ZNRF3: variants seen among roughly 807,000 people sequenced by gnomAD.
ZNRF3 encodes the protein E3 ubiquitin-protein ligase ZNRF3.
ZNRF3 carries 23 observed loss-of-function variants against 72.5 expected under a neutral mutation model. The observed-to-expected ratio is 0.32, with a 90% CI of 0.23 to 0.45. ZNRF3 has a LOEUF of 0.45. ZNRF3 is among the 20% of genes least tolerant of loss of function. The pLI is 1.00. For missense variants in ZNRF3, 1,169 were observed against 1,272.1 expected (o/e 0.92, Z 1.23); for synonymous variants, 610 against 545.3 (o/e 1.12, Z -1.65).
chr22:28,977,217 G>A (rs1465454469), intron 1 of ZNRF3, among the ~76,000 whole-genome samples: 5 of 152,182 alleles, frequency 3.3e-5, no homozygotes, highest in East Asian at 1.9e-4. Flanking sequence ...TCTTCAGGCC[G>A]TTCCCAGCTG....
Position 29,055,070 on chromosome 22 carries a change from A to C in ZNRF3, c.*1448A>C, listed in dbSNP as rs1256614633. ...CCTTTTTTATTAAGGGGAAGGGGAG[A>C]GTTTAAAAACCCAAACCGTTGTGGT... On this transcript the variant is annotated 3_prime_UTR_variant, in exon 9 of 9. Transcript: ENST00000544604. 1.3e-5 allele frequency: 2 copies of C among 152,712 alleles called. No homozygotes were observed. Among genetic ancestry groups the C allele is most frequent in the East Asian group, 3.8e-4 (2 of 5,202 alleles). The allele number at this position is 152,712 out of a possible 1,614,324, so 9.5% of individuals were successfully genotyped here.
In ZNRF3 at chr22:29,048,562, C is replaced by A; in HGVS notation, c.1015+71C>A. 2 of 1,481,400 alleles carry A rather than the reference C, an allele frequency of 1.4e-6. No individual in the cohort carries two copies. The highest frequency in any genetic ancestry group is 1.9e-6 in the Non-Finnish European group (2 of 1,064,388). 91.8% of individuals were successfully genotyped at this position (1,481,400 alleles called of 1,614,324 possible). ...GCTAGAGTGTGACACACACCGCAGG[C>A]TTGGGAACACTCAGAACCACCGTGG... On this transcript the variant is annotated intron_variant, in intron 7 of 8. Coordinates refer to ENST00000544604, the MANE Select transcript of ZNRF3 (RefSeq NM_001206998.2). The surrounding 1 kb of genome is among the most constrained non-coding windows in gnomAD (Gnocchi z 4.9).
chr22:29,044,343 T>A lies in ZNRF3; in HGVS notation c.634-437T>A, dbSNP rs189258905. On this transcript the variant is annotated intron_variant, in intron 4 of 8. Transcript: ENST00000544604. ...TGACTCATTGTAGTGGAAGCTGATATTTGTGGAAGCAGCATACAATTTTCT... is the reference window on the plus strand; with the variant it reads ...TGACTCATTGTAGTGGAAGCTGATAATTGTGGAAGCAGCATACAATTTTCT... Among the ~76,000 whole-genome samples the A allele has an allele frequency of 1.9e-4, 29 of 152,284 alleles. No homozygotes were observed. In the East Asian group the frequency reaches 5.6e-3, roughly 29 times the overall value.
rs148293372 is a variant in ZNRF3 at position 29,017,965 on chromosome 22, G to C, written c.427-24530G>C. On this transcript the variant is annotated intron_variant, in intron 2 of 8. Transcript: ENST00000544604. The stretch of plus-strand genomic sequence containing the variant: ...TCAAGGGTCCAGGACAGCAGTTGAG[G>C]TAACATGAATAACCTATGCAACAGC... The C allele has an allele frequency of 4.6e-5, 24 of 518,936 alleles. No homozygotes were observed. In the East Asian group the frequency reaches 1.2e-3, roughly 26 times the overall value. The allele number at this position is 518,936 out of a possible 1,614,324, so 32.1% of individuals were successfully genotyped here.
rs1392467728 is a variant in ZNRF3, at chr22:29,046,723, T to C, written c.752T>C (p.Met251Thr). 5 of 1,604,010 alleles carry C rather than the reference T, an allele frequency of 3.1e-6. No homozygotes were observed. The highest frequency in any genetic ancestry group is 1.7e-5 in the Admixed American group (1 of 58,966). The change falls in exon 6 of 9, where the codon ATG (methionine) becomes ACG (threonine). Residue 251 changes from methionine to threonine, a missense_variant. Physicochemically the swap from Met to Thr is moderately conservative, Grantham distance 81. Around this residue, in one of 2 missense-constraint regions of ZNRF3, gnomAD observed 386 missense variants for 540.7 expected, o/e 0.71. Coordinates refer to ENST00000544604, the MANE Select transcript of ZNRF3 (RefSeq NM_001206998.2). ...KLKQRRSQNS[M>T]NRLAVQALEK... The stretch of plus-strand genomic sequence containing the variant: ...CTACATTCTGCCCTGCAGAATTCCA[T>C]GAACAGGCTGGCTGTGCAGGCTCTA...
chr22:29,035,086 C>T (rs1046443023), intron 2 of ZNRF3, among the ~76,000 whole-genome samples: 2 of 151,114 alleles, frequency 1.3e-5, no homozygotes, highest in Non-Finnish European at 2.9e-5. Context: ...TCAAGTGATC[C>T]GCCCACCTCA....
intron 1 of ZNRF3, among the ~76,000 whole-genome samples, chr22:28,900,700 TA>T (rs1405004860): frequency 5.9e-5 from 9 of 152,180 alleles, no homozygotes; most frequent in Non-Finnish European, 1.2e-4. Flanking sequence ...AAAAGAAACT[TA>T]CTGTTTCAGA....
At chr22:29,041,884 C>A (rs563967932) in intron 2 of ZNRF3, among the ~76,000 whole-genome samples, 3 of 152,078 alleles carry the variant, frequency 2.0e-5, no homozygotes, top group Non-Finnish European at 4.4e-5. Flanking sequence ...AAAAAGGAAC[C>A]GCATGAGATG....
At position 29,044,806 on chromosome 22, in the gene ZNRF3, G is replaced by C; in HGVS notation, c.660G>C (p.Gly220=). Residue 220 remains glycine, a synonymous_variant, in exon 5 of 9, where the codon GGG becomes GGC. Coordinates refer to ENST00000544604, the MANE Select transcript of ZNRF3 (RefSeq NM_001206998.2). ...AACCCACTGAATACTTTGACATGGG[G>C]ATTTTCCTGGCTTTCTTCGTCGTGG... ...PRQPTEYFDM[G]IFLAFFVVVS... is the part of the protein sequence containing the mutation. 1 of 1,614,124 alleles carries C rather than the reference G, an allele frequency of 6.2e-7. No homozygotes were observed. The highest frequency in any genetic ancestry group is 1.7e-5 in the Admixed American group (1 of 60,020).
At chr22:28,903,014 A>G (rs1039847814) in intron 1 of ZNRF3, among the ~76,000 whole-genome samples, 3 of 152,068 alleles carry the variant, frequency 2.0e-5, no homozygotes, top group African/African-American at 7.2e-5. Context: ...GTGCCTTTCT[A>G]CTTGCACCTA....
At chr22:28,973,219 ATCC>A (rs1423754256) in intron 1 of ZNRF3, among the ~76,000 whole-genome samples, 5 of 152,130 alleles carry the variant, frequency 3.3e-5, no homozygotes, top group Admixed American at 3.3e-4. Context: ...AGCTCAAATA[ATCC>A]TCCTACCTTG....
In ZNRF3 at chr22:29,012,904, G is replaced by A. The variant is rs146355189; in HGVS notation, c.426+25703G>A. On this transcript the variant is annotated intron_variant, in intron 2 of 8. Transcript: ENST00000544604. ...TGAATACATTGAGACTCAGGGGAAGGGGCTAAGCTACAGACATCAGCCATG... is the reference window on the plus strand; with the variant it reads ...TGAATACATTGAGACTCAGGGGAAGAGGCTAAGCTACAGACATCAGCCATG... Among the ~76,000 whole-genome samples the A allele has an allele frequency of 8.9e-4, 136 of 152,290 alleles. 1 individual carries two copies. The East Asian group carries it at 0.022, about 25-fold the overall frequency.
At chr22:28,890,800 C>T (rs1327248340) in intron 1 of ZNRF3, among the ~76,000 whole-genome samples, 1 of 151,848 alleles carries the variant, frequency 6.6e-6, no homozygotes, top group Non-Finnish European at 1.5e-5. Flanking sequence ...CCATGTTGCC[C>T]AGGCTAGAGC....
intron 1 of ZNRF3, among the ~76,000 whole-genome samples, chr22:28,970,246 G>A (rs2035544629): frequency 6.6e-6 from 1 of 152,174 alleles, no homozygotes; most frequent in Non-Finnish European, 1.5e-5. Flanking sequence ...AGATAGGGAT[G>A]GCAAATAAAC....
intron 2 of ZNRF3, among the ~76,000 whole-genome samples, chr22:29,028,916 G>A (rs939911746): frequency 1.3e-5 from 2 of 152,170 alleles, no homozygotes; most frequent in African/African-American, 4.8e-5. Context: ...GGAAGCCCCT[G>A]TCCAAACCAT....
chr22:28,906,325 A>G (rs930046256), intron 1 of ZNRF3, among the ~76,000 whole-genome samples: 12 of 152,204 alleles, frequency 7.9e-5, no homozygotes, highest in South Asian at 4.1e-4. Flanking sequence ...CTGTCTCCAA[A>G]ACAAAACAGA....
At chr22:28,961,663 T>G (rs2035361751) in intron 1 of ZNRF3, among the ~76,000 whole-genome samples, 1 of 152,162 alleles carries the variant, frequency 6.6e-6, no homozygotes, top group Non-Finnish European at 1.5e-5. Context: ...AACAACTCTG[T>G]GAATTAGAAA....
At chr22:29,014,577 C>T (rs768737755) in intron 2 of ZNRF3, among the ~76,000 whole-genome samples, 3 of 152,236 alleles carry the variant, frequency 2.0e-5, no homozygotes, top group African/African-American at 7.2e-5. Context: ...GTGAGCTTGA[C>T]TAAGTATCTC....
At chr22:28,974,102 C>T (rs1190269254) in intron 1 of ZNRF3, among the ~76,000 whole-genome samples, 2 of 152,058 alleles carry the variant, frequency 1.3e-5, no homozygotes, top group Non-Finnish European at 1.5e-5. Flanking sequence ...GGACTACAGG[C>T]ACCCACCATC....
Sources: allele counts gnomAD v4.1 joint callset (sites outside exome capture counted in the v4.1 genomes callset), GRCh38; gene constraint gnomAD v4.1.1; regional missense constraint gnomAD v4.1.1; non-coding constraint Gnocchi (gnomAD v3.1); transcripts MANE v1.5; gene names NCBI Gene and HGNC (gene_info 2026-07-23, HGNC 2026-07-21).